Variants in RIMS1 observed in about 807,000 individuals in gnomAD.
RIMS1 encodes the protein regulating synaptic membrane exocytosis protein 1.
RIMS1 carries 83 observed loss-of-function variants against 214.1 expected under a neutral mutation model. That is an observed-to-expected ratio of 0.39 (90% CI 0.32 to 0.47). The LOEUF (loss-of-function observed/expected upper bound fraction) is 0.47. RIMS1 is among the 20% of genes least tolerant of loss of function. The pLI is 0.99. For synonymous variants in RIMS1, 793 were observed against 786.8 expected (o/e 1.01, Z -0.13); for missense variants, 2,050 against 2,161.8 (o/e 0.95, Z 1.03).
intron 2 of RIMS1, among the ~76,000 whole-genome samples, chr6:72,035,217 T>C (rs115205591): frequency 0.013 from 1,990 of 152,290 alleles, 38 homozygotes; most frequent in African/African-American, 0.045. Context: ...CTCAAATTGG[T>C]AAGGGTCTAA....
chr6:72,306,779 T>C (rs2095211576), intron 26 of RIMS1, among the ~76,000 whole-genome samples: 1 of 152,196 alleles, frequency 6.6e-6, no homozygotes, highest in African/African-American at 2.4e-5. Context: ...ATAAAGTAGA[T>C]ACTTATTAAT....
At chr6:72,267,190 T>TA (rs1304713602) in intron 22 of RIMS1, among the ~76,000 whole-genome samples, 1 of 152,148 alleles carries the variant, frequency 6.6e-6, no homozygotes, top group Non-Finnish European at 1.5e-5. Context: ...ATAGAGTCTC[T>TA]AAAATCATAA....
In RIMS1 at chr6:72,189,268, C is replaced by T. The variant is rs147093375; in HGVS notation, c.1678+6119C>T. Among the ~76,000 whole-genome samples, 184 of 152,294 alleles carry T rather than the reference C, an allele frequency of 1.2e-3. 1 individual carries two copies. The highest frequency in any genetic ancestry group is 4.1e-3 in the African/African-American group (172 of 41,564). On this transcript the variant is annotated intron_variant, in intron 6 of 33. Transcript: ENST00000521978. ...TATCACCTAGTTGGTGTTGTCATTG[C>T]GACTTCAAAAGGCCATTCCACTGTT...
chr6:71,959,010 T>G (rs1181035186), intron 1 of RIMS1, among the ~76,000 whole-genome samples: 1 of 152,160 alleles, frequency 6.6e-6, no homozygotes, highest in Non-Finnish European at 1.5e-5. Context: ...AAAGTTGCCA[T>G]GTAAGTGTCA....
intron 26 of RIMS1, among the ~76,000 whole-genome samples, chr6:72,296,669 A>G (rs1242780924): frequency 6.6e-6 from 1 of 151,894 alleles, no homozygotes; most frequent in African/African-American, 2.4e-5. Flanking sequence ...TTAATGTGAT[A>G]AGGTTAATTA....
At chr6:72,295,307 C>T (rs941984297) in intron 26 of RIMS1, among the ~76,000 whole-genome samples, 5 of 151,698 alleles carry the variant, frequency 3.3e-5, no homozygotes, top group East Asian at 1.9e-4. Flanking sequence ...CTCTACAAAA[C>T]AACTAATTTT....
chr6:72,150,129 G>A (rs2043323320), intron 4 of RIMS1, among the ~76,000 whole-genome samples: 1 of 151,914 alleles, frequency 6.6e-6, no homozygotes, highest in African/African-American at 2.4e-5. Context: ...TTCTCTCAGT[G>A]TGGCTGGGCC....
At chr6:72,171,527 A>G (rs796409865) in intron 4 of RIMS1, among the ~76,000 whole-genome samples, 10 of 152,160 alleles carry the variant, frequency 6.6e-5, no homozygotes, top group African/African-American at 2.2e-4. Flanking sequence ...ACTATATTTC[A>G]GGCACTATGC....
rs1471653024 is a variant in RIMS1, at chr6:72,313,640, A to G, written c.4098A>G (p.Ser1366=). ...GCCTCAGCAGCACAAGCTTTATGTC[A>G]GAGCAATCTGAGCGCCCCAGGGGTA... The part of the protein sequence containing the change: ...ASRLSSTSFM[S]EQSERPRGRI... The change falls in exon 28 of 34, where the codon TCA becomes TCG. Residue 1366 remains serine (S), a synonymous_variant. Transcript: ENST00000521978. 6.2e-7 allele frequency: 1 copy of G among 1,613,336 alleles called. No homozygotes were observed. The highest frequency in any genetic ancestry group is 1.3e-5 in the African/African-American group (1 of 74,944).
At position 72,166,586 on chromosome 6, in the gene RIMS1, T is replaced by C. The variant is rs76614637; in HGVS notation, c.472-12989T>C. Among the ~76,000 whole-genome samples, 362 of 152,288 alleles carry C rather than the reference T, an allele frequency of 2.4e-3. 9 individuals are homozygous for C. The East Asian group carries it at 0.049, about 21-fold the overall frequency. The stretch of plus-strand genomic sequence containing the variant: ...AAATAAACTGTATTTTTAAAAATTA[T>C]CTTGCTAGGTAGAGCATAGTGGCTC... On this transcript the variant is annotated intron_variant, in intron 4 of 33. Transcript: ENST00000521978.
chr6:72,393,499 C>G (rs371833627), intron 31 of RIMS1, among the ~76,000 whole-genome samples: 1 of 152,008 alleles, frequency 6.6e-6, no homozygotes, highest in South Asian at 2.1e-4. Flanking sequence ...CCGAGACAGG[C>G]GGATCACGAG....
At chr6:72,098,816 T>G (rs2032732457) in intron 3 of RIMS1, among the ~76,000 whole-genome samples, 1 of 152,204 alleles carries the variant, frequency 6.6e-6, no homozygotes, top group East Asian at 1.9e-4. Flanking sequence ...ATAAGTTTTC[T>G]TTTCCTCTCC....
chr6:72,291,149 T>G (rs1447485060), intron 25 of RIMS1, among the ~76,000 whole-genome samples: 1 of 152,212 alleles, frequency 6.6e-6, no homozygotes, highest in Non-Finnish European at 1.5e-5. Flanking sequence ...TTTTTAATTA[T>G]GTGAAATTTT....
Position 72,195,130 on chromosome 6 carries a change from A to G in RIMS1, c.1678+11981A>G, listed in dbSNP as rs538177862. ...CTTGATCCAAGGGAAAGCCACTTAT[A>G]CTTAAGGAACTTAATATATAAATCC... On this transcript the variant is annotated intron_variant, in intron 6 of 33. Coordinates refer to ENST00000521978, the MANE Select transcript of RIMS1 (RefSeq NM_014989.7). Among the ~76,000 whole-genome samples, 263 of 152,312 alleles carry G rather than the reference A, an allele frequency of 1.7e-3. 1 individual carries two copies. Among genetic ancestry groups the G allele is most frequent in the African/African-American group, 6.2e-3 (258 of 41,564 alleles).
chr6:72,123,311 G>C (rs1252183813), intron 4 of RIMS1, among the ~76,000 whole-genome samples: 1 of 151,836 alleles, frequency 6.6e-6, no homozygotes, highest in Non-Finnish European at 1.5e-5. Context: ...CTGAGTTCTA[G>C]TTTGATTGCA....
intron 4 of RIMS1, among the ~76,000 whole-genome samples, chr6:72,146,973 C>T (rs1415190857): frequency 6.6e-6 from 1 of 152,130 alleles, no homozygotes; most frequent in Admixed American, 6.5e-5. Context: ...CTCCGTATGT[C>T]CCCAGACCTT....
chr6:72,296,133 T>G (rs1272329902), intron 26 of RIMS1, among the ~76,000 whole-genome samples: 1 of 151,892 alleles, frequency 6.6e-6, no homozygotes, highest in Non-Finnish European at 1.5e-5. Context: ...TCATATTCTA[T>G]GTTCACATCA....
Position 72,182,839 on chromosome 6 carries a change from G to T in RIMS1, c.1368G>T (p.Pro456=). Residue 456 remains proline, a synonymous_variant, in exon 6 of 34, where the codon CCG becomes CCT. Coordinates refer to ENST00000521978, the MANE Select transcript of RIMS1 (RefSeq NM_014989.7). ...GCCCGCCGGCGCCCAGACATGGGCC[G>T]GTTCCCGCAGAAGCCCCGGAGCTCA... The part of the protein sequence containing the change: ...NHSPPAPRHG[P]VPAEAPELKA... 6.4e-7 allele frequency: 1 copy of T among 1,552,938 alleles called. No individual in the cohort carries two copies. Among genetic ancestry groups the T allele is most frequent in the Non-Finnish European group, 8.7e-7 (1 of 1,151,052 alleles).
At chr6:72,353,350 T>A (rs1460120755) in intron 29 of RIMS1, among the ~76,000 whole-genome samples, 1 of 152,138 alleles carries the variant, frequency 6.6e-6, no homozygotes, top group African/African-American at 2.4e-5. Flanking sequence ...ACTGTAAAAT[T>A]TGTGCACTGA....
Sources: gnomAD v4.1 joint callset for allele counts (sites outside exome capture counted in the v4.1 genomes callset) on GRCh38, gnomAD v4.1.1 for gene constraint, MANE v1.5 for transcripts, NCBI Gene and HGNC (gene_info 2026-07-23, HGNC 2026-07-21) for gene names.